Variants in KCNN3 observed in about 807,000 individuals in gnomAD.
The protein encoded by KCNN3 is small conductance calcium-activated potassium channel protein 3.
A neutral mutation model predicts 62.9 loss-of-function variants in KCNN3; 16 were observed. The ratio of observed to expected loss-of-function variants is 0.25; its 90% CI spans 0.17 to 0.39. The LOEUF is 0.39. Ranked by LOEUF, KCNN3 falls within the 10% of genes least tolerant of loss-of-function variation. The pLI is 1.00. For missense variants in KCNN3, 599 were observed against 949.4 expected (o/e 0.63, Z 4.85); for synonymous variants, 370 against 389.2 (o/e 0.95, Z 0.58).
rs186447396 is a variant in KCNN3, at chr1:154,738,020, A to G, written c.1449-4876T>C. On this transcript the variant is annotated intron_variant, in intron 3 of 7. Coordinates refer to ENST00000271915, the MANE Select transcript of KCNN3 (RefSeq NM_002249.6). ...GTTACAGAAAGAAACAACTGGGGGG[A>G]AAAGAAGGAGAAAGAAGGAGAGAAG... is the stretch of plus-strand genomic sequence containing the variant. Among the ~76,000 whole-genome samples, 158 of 152,310 alleles carry G rather than the reference A, an allele frequency of 1.0e-3. 1 individual carries two copies. Among genetic ancestry groups the G allele is most frequent in the Admixed American group, 5.9e-3 (90 of 15,302 alleles).
Position 154,813,470 on chromosome 1 carries a change from G to GCGA in KCNN3, c.1029+8616_1029+8618dup, listed in dbSNP as rs1168422262. On this transcript the variant is annotated intron_variant, in intron 2 of 7. Transcript: ENST00000271915. ...CAGGGGAGGAGGCGTGGGAGGCCAG[G>GCGA]CGACGCACCGCCTTCCCATTCACAA... Among the ~76,000 whole-genome samples, 23 of 152,154 alleles carry GCGA rather than the reference G, an allele frequency of 1.5e-4. No individual in the cohort carries two copies. The East Asian group carries it at 4.3e-3, about 28-fold the overall frequency.
intron 1 of KCNN3, among the ~76,000 whole-genome samples, chr1:154,840,252 G>T (rs1057092708): frequency 2.0e-5 from 3 of 152,128 alleles, no homozygotes; most frequent in African/African-American, 7.2e-5. Flanking sequence ...AGACTGATTG[G>T]TTAGAGATTC....
chr1:154,807,929 T>G (rs1054913087), intron 2 of KCNN3, among the ~76,000 whole-genome samples: 2 of 151,976 alleles, frequency 1.3e-5, no homozygotes, highest in African/African-American at 4.8e-5. Flanking sequence ...AGGAGGGAGA[T>G]TCATCCACCA....
At chr1:154,774,183 T>G (rs1341891428) in intron 2 of KCNN3, among the ~76,000 whole-genome samples, 2 of 152,022 alleles carry the variant, frequency 1.3e-5, no homozygotes, top group African/African-American at 4.8e-5. Flanking sequence ...CTATTCTTAT[T>G]TGTAGCATTA....
chr1:154,783,694 C>G (rs1649153748), intron 2 of KCNN3, among the ~76,000 whole-genome samples: 1 of 152,084 alleles, frequency 6.6e-6, no homozygotes, highest in Non-Finnish European at 1.5e-5. Flanking sequence ...AGCTGTGGGA[C>G]TGGAAGGAGA....
At chr1:154,835,935 C>A (rs1247807883) in intron 1 of KCNN3, among the ~76,000 whole-genome samples, 1 of 152,212 alleles carries the variant, frequency 6.6e-6, no homozygotes, top group Non-Finnish European at 1.5e-5. Flanking sequence ...ATTTCCAAGT[C>A]TTCTGTATAG....
intron 2 of KCNN3, among the ~76,000 whole-genome samples, chr1:154,787,878 C>T (rs1015087741): frequency 2.0e-5 from 3 of 152,340 alleles, no homozygotes; most frequent in African/African-American, 4.8e-5. Context: ...CATAGGCTGA[C>T]GCTGGCTGCT....
At chr1:154,727,026 C>G (rs1370632592) in intron 4 of KCNN3, among the ~76,000 whole-genome samples, 1 of 152,216 alleles carries the variant, frequency 6.6e-6, no homozygotes, top group East Asian at 1.9e-4. Context: ...CTTCGCTAGG[C>G]TTCTTGGTTG....
In KCNN3 at chr1:154,701,164, A is replaced by G. The variant is rs1699845028; in HGVS notation, c.*6812T>C. On this transcript the variant is annotated 3_prime_UTR_variant, in exon 8 of 8. Coordinates refer to ENST00000271915, the MANE Select transcript of KCNN3 (RefSeq NM_002249.6). The stretch of plus-strand genomic sequence containing the variant: ...ATACCTAATGTCAGTGAGCCCCATG[A>G]CTTATATACCTTTAAGCTCATATAA... 1 of 152,228 alleles carries G rather than the reference A, an allele frequency of 6.6e-6. No homozygotes were observed. Among genetic ancestry groups the G allele is most frequent in the African/African-American group, 2.4e-5 (1 of 41,462 alleles). The allele number at this position is 152,228 out of a possible 1,614,324, so 9.4% of individuals were successfully genotyped here.
At chr1:154,867,811 G>GCACATA in intron 1 of KCNN3, 1 of 233,462 alleles carries the variant, frequency 4.3e-6, no homozygotes, top group Non-Finnish European at 6.9e-6. Context: ...CAAACATTAC[G>GCACATA]CACATACACA....
intron 3 of KCNN3, among the ~76,000 whole-genome samples, chr1:154,769,440 G>A (rs1037314875): frequency 9.2e-5 from 14 of 152,230 alleles, no homozygotes; most frequent in South Asian, 4.1e-4. Flanking sequence ...GAGAGAGAGA[G>A]AGAGACCCAG....
chr1:154,704,517 A>G lies in KCNN3; in HGVS notation c.*3459T>C, dbSNP rs972302007. 1 of 152,206 alleles carries G rather than the reference A, an allele frequency of 6.6e-6. No homozygotes were observed. The highest frequency in any genetic ancestry group is 1.5e-5 in the Non-Finnish European group (1 of 68,040). The allele number at this position is 152,206 out of a possible 1,614,324, so 9.4% of individuals were successfully genotyped here. ...CCACTGAGATTAGTGGTCTTAAAGT[A>G]TCACAGTACATCCCTGACTTTACAG... On this transcript the variant is annotated 3_prime_UTR_variant, in exon 8 of 8. Coordinates refer to ENST00000271915, the MANE Select transcript of KCNN3 (RefSeq NM_002249.6).
chr1:154,825,678 T>C (rs1651081832), intron 1 of KCNN3, among the ~76,000 whole-genome samples: 1 of 151,646 alleles, frequency 6.6e-6, no homozygotes. Flanking sequence ...GAGAGTCATG[T>C]TTTAAAGTCA....
intron 2 of KCNN3, 45 bp downstream of exon 2, chr1:154,822,044 C>G: frequency 6.8e-7 from 1 of 1,473,328 alleles, no homozygotes; most frequent in East Asian, 2.3e-5. Context: ...AGAGCAAGGC[C>G]AAAGGATCAG....
intron 5 of KCNN3, among the ~76,000 whole-genome samples, chr1:154,722,431 A>G (rs1361498296): frequency 7.3e-6 from 1 of 136,668 alleles, no homozygotes; most frequent in Non-Finnish European, 1.5e-5. Context: ...TCAGTTGCCC[A>G]GGCTGGAGTG....
chr1:154,758,441 G>A (rs551949122), intron 3 of KCNN3, among the ~76,000 whole-genome samples: 1 of 152,266 alleles, frequency 6.6e-6, no homozygotes, highest in African/African-American at 2.4e-5. Context: ...TTGTGGGAGT[G>A]TCAGAGCCCA....
chr1:154,852,344 C>T (rs1415843953), intron 1 of KCNN3, among the ~76,000 whole-genome samples: 1 of 151,154 alleles, frequency 6.6e-6, no homozygotes, highest in Non-Finnish European at 1.5e-5. Flanking sequence ...GCTAGAACCA[C>T]AGGCATATGC....
intron 1 of KCNN3, among the ~76,000 whole-genome samples, chr1:154,866,195 C>T (rs961425872): frequency 3.9e-5 from 6 of 152,146 alleles, no homozygotes; most frequent in Non-Finnish European, 7.4e-5. Context: ...GGACTTCTTC[C>T]CTCCCAGATA....
chr1:154,785,572 CT>C (rs59033291), intron 2 of KCNN3, among the ~76,000 whole-genome samples: 45,843 of 104,634 alleles, frequency 0.44, 9,587 homozygotes, highest in East Asian at 0.56. Context: ...TTTTCTTTTT[CT>C]TTTTTTTTTT....
Sources: gnomAD v4.1 joint callset for allele counts (sites outside exome capture counted in the v4.1 genomes callset) on GRCh38, gnomAD v4.1.1 for gene constraint, MANE v1.5 for transcripts, NCBI Gene and HGNC (gene_info 2026-07-23, HGNC 2026-07-21) for gene names.